The following TATDN2 variants were observed in gnomAD, a reference collection of about 807,000 sequenced individuals.
TATDN2 encodes TatD DNase domain containing 2.
Under a neutral mutation model 60.3 loss-of-function variants are expected in TATDN2, and 44 were observed. The ratio of observed to expected loss-of-function variants is 0.73; its 90% CI spans 0.57 to 0.94. The LOEUF is 0.94. Among genes scored for constraint, TATDN2 ranks in the 40% least tolerant of loss-of-function variants. The probability of loss-of-function intolerance (pLI) is 0.00; values close to 1 mark genes in which losing one functional copy is unlikely to be tolerated. For missense variants in TATDN2, 997 were observed against 948.0 expected (o/e 1.05, Z -0.68); for synonymous variants, 399 against 355.8 (o/e 1.12, Z -1.37).
intron 4 of TATDN2, among the ~76,000 whole-genome samples, chr3:10,274,908 CAT>C (rs747052294): frequency 3.0e-4 from 46 of 151,902 alleles, no homozygotes; most frequent in Non-Finnish European, 6.0e-4. Context: ...ATGCTGAAAA[CAT>C]AAACACAAAT....
chr3:10,262,598 T>G (rs1317582735), intron 3 of TATDN2, among the ~76,000 whole-genome samples: 1 of 143,584 alleles, frequency 7.0e-6, no homozygotes, highest in African/African-American at 2.6e-5. Flanking sequence ...TGCACTGGTG[T>G]GATCTTGGCT....
intron 4 of TATDN2, among the ~76,000 whole-genome samples, chr3:10,274,496 A>G (rs1698606953): frequency 6.6e-6 from 1 of 152,198 alleles, no homozygotes; most frequent in African/African-American, 2.4e-5. Flanking sequence ...GTAATATTCT[A>G]TCCTAAAGCT....
intron 2 of TATDN2, among the ~76,000 whole-genome samples, chr3:10,251,812 G>A (rs1698235731): frequency 1.3e-5 from 2 of 151,960 alleles, no homozygotes; most frequent in Non-Finnish European, 2.9e-5. Flanking sequence ...TTCTTAAATA[G>A]GTGAGAATAT....
At chr3:10,274,180 C>T (rs1219787655) in intron 4 of TATDN2, among the ~76,000 whole-genome samples, 1 of 152,120 alleles carries the variant, frequency 6.6e-6, no homozygotes, top group African/African-American at 2.4e-5. Flanking sequence ...CTGCAAATAG[C>T]TCCTGTCCAA....
chr3:10,278,170 A>G lies in TATDN2; in HGVS notation c.1962-109A>G. The stretch of plus-strand genomic sequence containing the variant: ...ACTGTGGAGTCCTTCCCTAGGATGC[A>G]GTCTTTCCATTTCTGGGAATCATTG... On this transcript the variant is annotated intron_variant, in intron 5 of 7. Transcript: ENST00000448281. The surrounding 1 kb of genome is among the most constrained non-coding windows in gnomAD (Gnocchi z 4.7). The G allele has an allele frequency of 7.7e-7, 1 of 1,290,534 alleles. No homozygotes were observed. The allele number at this position is 1,290,534 out of a possible 1,614,324, so 79.9% of individuals were successfully genotyped here.
rs765943825 is a variant in TATDN2 at position 10,260,646 on chromosome 3, T to G, written c.924T>G (p.Ser308=). ...CACCCCTAGAGTTCTTGGATGACTC[T>G]GACTCTCATTTAGAAATCCAAAAGG... The part of the protein sequence containing the change: ...CSPPLEFLDD[S]DSHLEIQKHK... The change falls in exon 3 of 8, where the codon TCT becomes TCG. Residue 308 remains serine, a synonymous_variant. Coordinates refer to ENST00000448281, the MANE Select transcript of TATDN2 (RefSeq NM_014760.4). 1 of 1,613,462 alleles carries G rather than the reference T, an allele frequency of 6.2e-7. No individual in the cohort carries two copies. The highest frequency in any genetic ancestry group is 1.1e-5 in the South Asian group (1 of 90,992).
At chr3:10,253,578 T>C (rs554475330) in intron 2 of TATDN2, among the ~76,000 whole-genome samples, 1 of 152,342 alleles carries the variant, frequency 6.6e-6, no homozygotes, top group African/African-American at 2.4e-5. Context: ...GTAAAGATTA[T>C]TTTTACTATG....
chr3:10,269,249 A>G (rs1698522159), intron 3 of TATDN2, among the ~76,000 whole-genome samples: 1 of 152,324 alleles, frequency 6.6e-6, no homozygotes, highest in African/African-American at 2.4e-5. Context: ...AACCAGATGG[A>G]AGCTACAAGG....
At position 10,270,359 on chromosome 3, in the gene TATDN2, T is replaced by C. The variant is rs372553860; in HGVS notation, c.1177T>C (p.Ser393Pro). 3 of 1,614,006 alleles carry C rather than the reference T, an allele frequency of 1.9e-6. No homozygotes were observed. The highest frequency in any genetic ancestry group is 2.5e-6 in the Non-Finnish European group (3 of 1,180,028). ...ASYWTSSPKP[S>P]SYPSTGSSSN... is the part of the protein sequence containing the mutation. Reference sequence around the variant, plus strand: ...CTATTGGACCAGCAGCCCCAAGCCTTCTAGCTACCCCTCCACAGGCAGCAG... The same window carrying C: ...CTATTGGACCAGCAGCCCCAAGCCTCCTAGCTACCCCTCCACAGGCAGCAG... Residue 393 changes from serine to proline, a missense_variant, in exon 4 of 8, where the codon TCT becomes CCT. By Grantham distance (74) the Ser-to-Pro change is moderately conservative (BLOSUM62 -1). Coordinates refer to ENST00000448281, the MANE Select transcript of TATDN2 (RefSeq NM_014760.4).
At position 10,280,611 on chromosome 3, in the gene TATDN2, T is replaced by C. The variant is rs1018494074; in HGVS notation, c.*1429T>C. 3.9e-5 allele frequency: 6 copies of C among 153,764 alleles called. No homozygotes were observed. The highest frequency in any genetic ancestry group is 8.8e-5 in the Non-Finnish European group (6 of 68,050). The allele number at this position is 153,764 out of a possible 1,614,324, so 9.5% of individuals were successfully genotyped here. Reference sequence around the variant, plus strand: ...GTTTTTGGAAGGCGCATTTGAGCCTTGTGAGCTAAAATGGAATGGATTTAA... The same window carrying C: ...GTTTTTGGAAGGCGCATTTGAGCCTCGTGAGCTAAAATGGAATGGATTTAA... On this transcript the variant is annotated 3_prime_UTR_variant, in exon 8 of 8. Coordinates refer to ENST00000448281, the MANE Select transcript of TATDN2 (RefSeq NM_014760.4).
In TATDN2 at chr3:10,279,008, C is replaced by A; in HGVS notation, c.2269C>A (p.Arg757Ser). 6.2e-7 allele frequency: 1 copy of A among 1,614,226 alleles called. No homozygotes were observed. Among genetic ancestry groups the A allele is most frequent in the Non-Finnish European group, 8.5e-7 (1 of 1,180,044 alleles). The change falls in exon 7 of 8, where the codon CGC (arginine) becomes AGC (serine). Residue 757 changes from arginine (R) to serine (S), a missense_variant. Transcript: ENST00000448281. ...TLAALRENTS[R>S]LYSL is the part of the protein sequence containing the mutation. ...GGCTGCCTTGCGTGAGAACACCAGT[C>A]GCCTCTACAGTCTTTAAGCAGAGAA...
At chr3:10,267,644 T>C (rs1254292666) in intron 3 of TATDN2, among the ~76,000 whole-genome samples, 1 of 152,236 alleles carries the variant, frequency 6.6e-6, no homozygotes, top group Non-Finnish European at 1.5e-5. Flanking sequence ...ATAGTACTTT[T>C]TGAATCTGTG....
Position 10,270,412 on chromosome 3 carries a change from G to A in TATDN2, c.1230G>A (p.Lys410=), listed in dbSNP as rs769678548. Reference sequence around the variant, plus strand: ...GCAACGATGCAGCCCAGGTTGGGAAGAGCAGCCGGAGCCGCATGAGTGATT... The same window carrying A: ...GCAACGATGCAGCCCAGGTTGGGAAAAGCAGCCGGAGCCGCATGAGTGATT... ...SSSNDAAQVG[K]SSRSRMSDYS... Residue 410 remains lysine (K), a synonymous_variant, in exon 4 of 8, where the codon AAG becomes AAA. Coordinates refer to ENST00000448281, the MANE Select transcript of TATDN2 (RefSeq NM_014760.4). The A allele has an allele frequency of 6.8e-6, 11 of 1,614,116 alleles. No homozygotes were observed. In the Admixed American group the frequency reaches 1.8e-4, roughly 27 times the overall value.
intron 2 of TATDN2, among the ~76,000 whole-genome samples, chr3:10,258,602 G>T (rs1027158845): frequency 6.6e-6 from 1 of 151,888 alleles, no homozygotes; most frequent in African/African-American, 2.4e-5. Context: ...CTGAGTAAGT[G>T]GGATTACAGG....
rs1477332974 is a variant in TATDN2, at chr3:10,249,527, C to T, written c.327C>T (p.Phe109=). 4.4e-6 allele frequency: 7 copies of T among 1,604,894 alleles called. No homozygotes were observed. Among genetic ancestry groups the T allele is most frequent in the Admixed American group, 1.7e-5 (1 of 58,788 alleles). Residue 109 remains phenylalanine, a synonymous_variant, in exon 2 of 8, where the codon TTC becomes TTT. Transcript: ENST00000448281. The part of the protein sequence containing the change: ...KGCLIRNTRG[F]LSSGGSPLRP... ...GCCTGATTCGGAACACTCGGGGGTT[C>T]CTGTCTTCAGGGGGATCCCCTCTGC...
At chr3:10,251,716 T>G (rs990914631) in intron 2 of TATDN2, among the ~76,000 whole-genome samples, 3 of 152,132 alleles carry the variant, frequency 2.0e-5, no homozygotes, top group Admixed American at 1.3e-4. Context: ...AAAATTATTT[T>G]ATTTTTTTGA....
rs191162344 is a variant in TATDN2 at position 10,270,296 on chromosome 3, C to G, written c.1114C>G (p.Pro372Ala). 1.2e-5 allele frequency: 19 copies of G among 1,614,226 alleles called. No homozygotes were observed. In the East Asian group the frequency reaches 4.2e-4, roughly 36 times the overall value. The change falls in exon 4 of 8, where the codon CCT (proline) becomes GCT (alanine). Residue 372 changes from proline to alanine, a missense_variant. Coordinates refer to ENST00000448281, the MANE Select transcript of TATDN2 (RefSeq NM_014760.4). ...CACCACCGACTATGTCATGTACCCTCCTCATTTGTACAGTAGTCCTTGGTG... is the reference window on the plus strand; with the variant it reads ...CACCACCGACTATGTCATGTACCCTGCTCATTTGTACAGTAGTCCTTGGTG... ...SFTTDYVMYP[P>A]HLYSSPWCDY...
In TATDN2 at chr3:10,270,249, C is replaced by T. The variant is rs760567540; in HGVS notation, c.1067C>T (p.Ala356Val). The change falls in exon 4 of 8, where the codon GCC becomes GTC. Residue 356 changes from alanine to valine, a missense_variant. Transcript: ENST00000448281. ...QEEPVSLKPS[A>V]VPEPSSFTTD... is the part of the protein sequence containing the mutation. ...GAACCTGTCTCCCTGAAACCTTCAGCCGTTCCGGAGCCTTCTTCCTTCACC... is the reference window on the plus strand; with the variant it reads ...GAACCTGTCTCCCTGAAACCTTCAGTCGTTCCGGAGCCTTCTTCCTTCACC... 4.3e-6 allele frequency: 7 copies of T among 1,614,164 alleles called. No individual in the cohort carries two copies. Among genetic ancestry groups the T allele is most frequent in the Non-Finnish European group, 4.2e-6 (5 of 1,180,036 alleles).
intron 2 of TATDN2, among the ~76,000 whole-genome samples, chr3:10,255,275 A>G (rs866853539): frequency 7.9e-5 from 12 of 151,556 alleles, no homozygotes; most frequent in South Asian, 2.1e-4. Flanking sequence ...CAGCCTCCCA[A>G]AGTTCTGAGA....
Sources: gnomAD v4.1 joint callset for allele counts (sites outside exome capture counted in the v4.1 genomes callset) on GRCh38, gnomAD v4.1.1 for gene constraint, Gnocchi (gnomAD v3.1) non-coding constraint, MANE v1.5 for transcripts, NCBI Gene and HGNC (gene_info 2026-07-23, HGNC 2026-07-21) for gene names.